The following FAM131B variants were observed in gnomAD, a reference collection of about 807,000 sequenced individuals.
FAM131B encodes protein FAM131B.
In FAM131B, 19 loss-of-function variants were observed where a neutral mutation model predicts 42.0. The observed-to-expected ratio is 0.45, with a 90% CI of 0.32 to 0.66. The LOEUF (loss-of-function observed/expected upper bound fraction) is 0.66. FAM131B is among the 30% of genes least tolerant of loss of function. FAM131B has a pLI of 0.05. For synonymous variants in FAM131B, 183 were observed against 177.6 expected, an observed-to-expected ratio of 1.03 and a Z score of -0.24; for missense variants, 370 against 468.4, an observed-to-expected ratio of 0.79 and a Z score of 1.94.
At position 143,360,157 on chromosome 7, in the gene FAM131B, G is replaced by T. The variant is rs563252562; in HGVS notation, c.29-8C>A. ...CTGCAATCACCTCATTCCCTGAGGG[G>T]GCCAGAAGGTTAGCCGCCGGCCCTC... is the stretch of plus-strand genomic sequence containing the variant. On this transcript the variant is annotated splice_polypyrimidine_tract_variant and splice_region_variant and intron_variant, in intron 1 of 6. Transcript: ENST00000443739. The T allele has an allele frequency of 6.1e-5, 98 of 1,603,114 alleles. 2 individuals are homozygous for T. The South Asian group carries it at 1.1e-3, about 18-fold the overall frequency.
At chr7:143,380,913 G>A in the FAM131B span, 27 of 507,532 alleles carry the variant, frequency 5.3e-5, no homozygotes, top group African/African-American at 4.8e-4. This position sits in a 1 kb window ranked among gnomAD's most constrained non-coding sequence, Gnocchi z 5.0. Flanking sequence ...GGGCCGGGCC[G>A]GAGGCGCACA....
chr7:143,381,239 C>A, the FAM131B span: 1 of 1,019,856 alleles, frequency 9.8e-7, no homozygotes. Flanking sequence ...CCGGGCCGCT[C>A]CTTGTATGGT....
At position 143,358,914 on chromosome 7, in the gene FAM131B, G is replaced by C. The variant is rs375300100; in HGVS notation, c.379C>G (p.Pro127Ala). The C allele has an allele frequency of 3.7e-6, 6 of 1,614,042 alleles. No individual in the cohort carries two copies. Among genetic ancestry groups the C allele is most frequent in the Non-Finnish European group, 5.1e-6 (6 of 1,180,000 alleles). ...QGWGKTPAVQ[P>A]QHSHESVRRD... Reference sequence around the variant, plus strand: ...CGCACGGACTCATGGCTGTGTTGTGGCTGAACAGCTGGTGTCTTCCCCCAG... The same window carrying C: ...CGCACGGACTCATGGCTGTGTTGTGCCTGAACAGCTGGTGTCTTCCCCCAG... Residue 127 changes from proline to alanine, a missense_variant, in exon 5 of 7, where the codon CCA becomes GCA. Coordinates refer to ENST00000443739, the MANE Select transcript of FAM131B (RefSeq NM_001031690.3). The surrounding 1 kb of genome is among the most constrained non-coding windows in gnomAD (Gnocchi z 4.7).
the FAM131B span, among the ~76,000 whole-genome samples, chr7:143,376,881 C>A: frequency 6.6e-6 from 1 of 152,228 alleles, no homozygotes; most frequent in Non-Finnish European, 1.5e-5. Context: ...TAAAGTAATA[C>A]ATGTTCACAG....
the FAM131B span, among the ~76,000 whole-genome samples, chr7:143,379,040 A>G: frequency 6.6e-6 from 1 of 152,398 alleles, no homozygotes; most frequent in Non-Finnish European, 1.5e-5. Context: ...CTTAGTTGTC[A>G]GTAAAACTAT....
chr7:143,373,801 A>G, the FAM131B span, among the ~76,000 whole-genome samples: 12 of 152,322 alleles, frequency 7.9e-5, no homozygotes, highest in Admixed American at 2.0e-4. Flanking sequence ...GACTTAATAC[A>G]GGACTTAATA....
At chr7:143,364,430 A>G (rs546189666), upstream of FAM131B, among the ~76,000 whole-genome samples, 2 of 152,190 alleles carry the variant, frequency 1.3e-5, no homozygotes, top group East Asian at 1.9e-4. Flanking sequence ...TTGCCTTCCC[A>G]CCTGAAACTT....
chr7:143,357,332 C>T lies in FAM131B; in HGVS notation c.558G>A (p.Glu186=). 6.2e-7 allele frequency: 1 copy of T among 1,614,126 alleles called. No homozygotes were observed. The highest frequency in any genetic ancestry group is 1.3e-5 in the African/African-American group (1 of 75,056). Residue 186 remains glutamate (E), a synonymous_variant, in exon 6 of 7, where the codon GAG becomes GAA. Coordinates refer to ENST00000443739, the MANE Select transcript of FAM131B (RefSeq NM_001031690.3). The part of the protein sequence containing the change: ...GEDMSVNSTQ[E]PLGCNYSDNY... ...TGTCACTGTAGTTGCAGCCCAATGG[C>T]TCCTGGGTGGAGTTCACACTCATGT...
the FAM131B span, among the ~76,000 whole-genome samples, chr7:143,372,449 T>C: frequency 3.3e-5 from 5 of 151,996 alleles, no homozygotes; most frequent in African/African-American, 9.7e-5. Context: ...ACTAGAAAAA[T>C]AGAAGGAGCT....
chr7:143,381,545 G>A, the FAM131B span: 1 of 1,601,106 alleles, frequency 6.2e-7, no homozygotes, highest in South Asian at 1.1e-5. Context: ...GTAACCCGGC[G>A]ACCCACCCCA....
chr7:143,357,476 G>A lies in FAM131B; in HGVS notation c.467-53C>T, dbSNP rs558070040. On this transcript the variant is annotated intron_variant, in intron 5 of 6. Coordinates refer to ENST00000443739, the MANE Select transcript of FAM131B (RefSeq NM_001031690.3). ...AATACCTCAGGGAATCCTTAGACAT[G>A]TGCGTGGGGTAGGAAAACATCTTAG... The A allele has an allele frequency of 9.2e-5, 142 of 1,540,208 alleles. No individual in the cohort carries two copies. The African/African-American group carries it at 1.8e-3, about 19-fold the overall frequency.
Position 143,355,291 on chromosome 7 carries a change from G to A in FAM131B, c.*1259C>T, listed in dbSNP as rs1284566135. 6.6e-6 allele frequency: 1 copy of A among 152,308 alleles called. No individual in the cohort carries two copies. Among genetic ancestry groups the A allele is most frequent in the Non-Finnish European group, 1.5e-5 (1 of 68,112 alleles). The allele number at this position is 152,308 out of a possible 1,614,324, so 9.4% of individuals were successfully genotyped here. A position where few individuals can be genotyped will look rare whatever the true frequency, so the allele number is the denominator to read the frequency against. On this transcript the variant is annotated 3_prime_UTR_variant, in exon 7 of 7. Transcript: ENST00000443739. This position sits in a 1 kb window ranked among gnomAD's most constrained non-coding sequence, Gnocchi z 4.1. ...ACCAGCATGGATGCCAAGTGTGGGAGGGCAAGCTTGTGCCTCACCATACAC... is the reference window on the plus strand; with the variant it reads ...ACCAGCATGGATGCCAAGTGTGGGAAGGCAAGCTTGTGCCTCACCATACAC...
chr7:143,359,254 A>G lies in FAM131B; in HGVS notation c.268+72T>C. 5 of 1,265,736 alleles carry G rather than the reference A, an allele frequency of 4.0e-6. No individual in the cohort carries two copies. The highest frequency in any genetic ancestry group is 5.7e-6 in the Non-Finnish European group (5 of 876,928). 78.4% of individuals were successfully genotyped at this position (1,265,736 alleles called of 1,614,324 possible). A position where few individuals can be genotyped will look rare whatever the true frequency, so the allele number is the denominator to read the frequency against. On this transcript the variant is annotated intron_variant, in intron 4 of 6. Coordinates refer to ENST00000443739, the MANE Select transcript of FAM131B (RefSeq NM_001031690.3). The surrounding 1 kb of genome is among the most constrained non-coding windows in gnomAD (Gnocchi z 5.4). ...TGAGGGTCTTCATCAACCTCGAAGG[A>G]GCAGGGAGACTGAGCCAAGGAGTCT... is the stretch of plus-strand genomic sequence containing the variant.
chr7:143,382,159 T>C, the FAM131B span: 2 of 1,125,848 alleles, frequency 1.8e-6, no homozygotes, highest in Non-Finnish European at 2.5e-6. Context: ...GAGAGAGTTC[T>C]TGGGTTAGGG....
chr7:143,379,956 C>T, the FAM131B span: 5 of 622,756 alleles, frequency 8.0e-6, no homozygotes, highest in Non-Finnish European at 1.0e-5. Flanking sequence ...CTCTTCAGCT[C>T]GGCCTCTGCT....
chr7:143,381,670 G>T, the FAM131B span: 24 of 1,611,608 alleles, frequency 1.5e-5, no homozygotes, highest in South Asian at 2.6e-4. Flanking sequence ...TGGCCCCAAA[G>T]CCCAAAGTGA....
chr7:143,362,630 C>T lies in FAM131B; in HGVS notation c.-27G>A. ...GCTCCGGGGGCCGCAGAGCCGGGCC[C>T]TCACCGACTCGGGGCGCGCGCCGGG... is the stretch of plus-strand genomic sequence containing the variant. On this transcript the variant is annotated 5_prime_UTR_variant, in exon 1 of 7. Coordinates refer to ENST00000443739, the MANE Select transcript of FAM131B (RefSeq NM_001031690.3). The surrounding 1 kb of genome is among the most constrained non-coding windows in gnomAD (Gnocchi z 7.7). The T allele has an allele frequency of 8.3e-7, 1 of 1,205,474 alleles. No individual in the cohort carries two copies. The highest frequency in any genetic ancestry group is 3.3e-4 in the Middle Eastern group (1 of 3,074). 74.7% of individuals were successfully genotyped at this position (1,205,474 alleles called of 1,614,324 possible).
At chr7:143,380,498 G>A in the FAM131B span, 1 of 985,452 alleles carries the variant, frequency 1.0e-6, no homozygotes, top group Non-Finnish European at 1.2e-6. The surrounding 1 kb of genome is among the most constrained non-coding windows in gnomAD (Gnocchi z 5.0). Context: ...CGAGCAGCCC[G>A]CGTCCGCGTC....
chr7:143,365,163 A>G (rs1240206890), upstream of FAM131B, among the ~76,000 whole-genome samples: 1 of 152,230 alleles, frequency 6.6e-6, no homozygotes, highest in Non-Finnish European at 1.5e-5. Context: ...ATTAATATTG[A>G]ATGTAAATTC....
Sources: gnomAD v4.1 joint callset for allele counts (sites outside exome capture counted in the v4.1 genomes callset) on GRCh38, gnomAD v4.1.1 for gene constraint, Gnocchi (gnomAD v3.1) non-coding constraint, MANE v1.5 for transcripts, NCBI Gene and HGNC (gene_info 2026-07-23, HGNC 2026-07-21) for gene names.